Variants in ROBO3 observed in about 807,000 individuals in gnomAD.
ROBO3 encodes roundabout homolog 3.
In ROBO3, 97 loss-of-function variants were observed where a neutral mutation model predicts 160.5. The observed-to-expected ratio is 0.60, with a 90% confidence interval of 0.51 to 0.72. ROBO3 has a LOEUF of 0.72. Ranked by LOEUF, ROBO3 falls within the 30% of genes least tolerant of loss-of-function variation. The pLI, the probability that ROBO3 is intolerant of heterozygous loss-of-function variation, is 0.00. For synonymous variants in ROBO3, 780 were observed against 746.2 expected, an observed-to-expected ratio of 1.05 and a Z score of -0.74; for missense variants, 1,858 against 1,846.5, an observed-to-expected ratio of 1.01 and a Z score of -0.11.
At position 124,872,797 on chromosome 11, in the gene ROBO3, G is replaced by C; in HGVS notation, c.1331-87G>C. On this transcript the variant is annotated intron_variant, in intron 8 of 27. Coordinates refer to ENST00000397801, the MANE Select transcript of ROBO3 (RefSeq NM_022370.4). The surrounding 1 kb of genome is among the most constrained non-coding windows in gnomAD (Gnocchi z 4.3). ...GAAGTTTCAGGGGCTGGGGTAGGGA[G>C]GGTGAAGGAGCAGAGAATGAGGACA... 8.4e-7 allele frequency: 1 copy of C among 1,184,802 alleles called. No homozygotes were observed. The highest frequency in any genetic ancestry group is 1.6e-5 in the South Asian group (1 of 61,854). 73.4% of individuals were successfully genotyped at this position (1,184,802 alleles called of 1,614,324 possible).
chr11:124,878,276 G>A lies in ROBO3; in HGVS notation c.3182-22G>A. 1 of 1,611,038 alleles carries A rather than the reference G, an allele frequency of 6.2e-7. No homozygotes were observed. Among genetic ancestry groups the A allele is most frequent in the Non-Finnish European group, 8.5e-7 (1 of 1,178,620 alleles). On this transcript the variant is annotated intron_variant, in intron 21 of 27. Coordinates refer to ENST00000397801, the MANE Select transcript of ROBO3 (RefSeq NM_022370.4). The surrounding 1 kb of genome is among the most constrained non-coding windows in gnomAD (Gnocchi z 4.3). ...GCTCTTTCCTGCCTGTTCTCCGGGTGTCCCCATCCTATTCTCCTCAGGAGC... is the reference window on the plus strand; with the variant it reads ...GCTCTTTCCTGCCTGTTCTCCGGGTATCCCCATCCTATTCTCCTCAGGAGC...
chr11:124,874,453 G>C (rs957398822), intron 12 of ROBO3, among the ~76,000 whole-genome samples: 3 of 152,164 alleles, frequency 2.0e-5, no homozygotes, highest in Admixed American at 2.0e-4. Flanking sequence ...AAGAAGGAAA[G>C]GGAGAGAGGT....
Position 124,879,947 on chromosome 11 carries a change from T to A in ROBO3, c.3957T>A (p.Asp1319Glu). 6.4e-7 allele frequency: 1 copy of A among 1,572,982 alleles called. No homozygotes were observed. The highest frequency in any genetic ancestry group is 8.6e-7 in the Non-Finnish European group (1 of 1,159,428). Residue 1319 changes from aspartate (D) to glutamate (E), a missense_variant and splice_region_variant, in exon 26 of 28, where the codon GAT (aspartate) becomes GAA (glutamate). Asp to Glu is a conservative substitution (Grantham distance 45, BLOSUM62 2). Transcript: ENST00000397801. ...PLAAQRVLHP[D>E]EEAWLPYSRP... The stretch of plus-strand genomic sequence containing the variant: ...CAGCCCAGCGGGTGCTCCACCCAGA[T>A]GGTAAGCAGGGCCAGGGCAGGCAGG...
chr11:124,869,660 G>A lies in ROBO3; in HGVS notation c.645+53G>A, dbSNP rs575227480. On this transcript the variant is annotated intron_variant, in intron 3 of 27. Coordinates refer to ENST00000397801, the MANE Select transcript of ROBO3 (RefSeq NM_022370.4). This position sits in a 1 kb window ranked among gnomAD's most constrained non-coding sequence, Gnocchi z 4.2. ...CCAACAAGGGAGGGGACATAGGGTA[G>A]GGAGGTGACAAGGCTGGAGATTGAG... is the stretch of plus-strand genomic sequence containing the variant. 34 of 1,500,454 alleles carry A rather than the reference G, an allele frequency of 2.3e-5. No homozygotes were observed. The highest frequency in any genetic ancestry group is 3.0e-5 in the Non-Finnish European group (33 of 1,117,970). 92.9% of individuals were successfully genotyped at this position (1,500,454 alleles called of 1,614,324 possible).
intron 1 of ROBO3, among the ~76,000 whole-genome samples, chr11:124,868,122 A>T (rs1946226454): frequency 6.6e-6 from 1 of 152,212 alleles, no homozygotes; most frequent in Non-Finnish European, 1.5e-5. Context: ...AAGGAGCCTT[A>T]CTAACATTTC....
rs1303799513 is a variant in ROBO3, at chr11:124,881,456, G to GTCTGATCA, written c.*207_*214dup. 1 of 582,260 alleles carries GTCTGATCA rather than the reference G, an allele frequency of 1.7e-6. No individual in the cohort carries two copies. Among genetic ancestry groups the GTCTGATCA allele is most frequent in the Admixed American group, 3.0e-5 (1 of 33,826 alleles). 36.1% of individuals were successfully genotyped at this position (582,260 alleles called of 1,614,324 possible). A position where few individuals can be genotyped will look rare whatever the true frequency, so the allele number is the denominator to read the frequency against. On this transcript the variant is annotated 3_prime_UTR_variant, in exon 28 of 28. Coordinates refer to ENST00000397801, the MANE Select transcript of ROBO3 (RefSeq NM_022370.4). ...TATAAAAAACAAAACAATAAAAAGA[G>GTCTGATCA]TCTGATCAGAGCCCAGGGCCCTGTC...
rs756240580 is a variant in ROBO3, at chr11:124,870,208, G to C, written c.810G>C (p.Leu270=). ...FLRRPVNQVV[L]ADAPVTFLCE... ...GCAGACCAGTGAATCAGGTGGTCCTGGCTGATGCCCCTGTGACTTTCCTAT... is the reference window on the plus strand; with the variant it reads ...GCAGACCAGTGAATCAGGTGGTCCTCGCTGATGCCCCTGTGACTTTCCTAT... The change falls in exon 5 of 28, where the codon CTG becomes CTC. Residue 270 remains leucine (L), a synonymous_variant. Coordinates refer to ENST00000397801, the MANE Select transcript of ROBO3 (RefSeq NM_022370.4). 3.1e-6 allele frequency: 5 copies of C among 1,614,048 alleles called. No individual in the cohort carries two copies. Among genetic ancestry groups the C allele is most frequent in the Non-Finnish European group, 4.2e-6 (5 of 1,179,892 alleles).
At chr11:124,871,184 G>A (rs1331741995) in intron 7 of ROBO3, 46 bp downstream of exon 7, 1 of 1,572,062 alleles carries the variant, frequency 6.4e-7, no homozygotes. Flanking sequence ...TTCCTCTGCG[G>A]CTCAGCCTCC....
Position 124,877,251 on chromosome 11 carries a change from C to T in ROBO3, c.2804-16C>T, listed in dbSNP as rs772333421. On this transcript the variant is annotated splice_polypyrimidine_tract_variant and intron_variant, in intron 18 of 27. Transcript: ENST00000397801. ...CGGGCCCTTCTCTCACTCATTCGCC[C>T]CCTCATTTTCCCCAGTGTCCTTCCC... is the stretch of plus-strand genomic sequence containing the variant. 3.1e-6 allele frequency: 5 copies of T among 1,613,952 alleles called. No homozygotes were observed. The South Asian group carries it at 5.5e-5, about 18-fold the overall frequency.
chr11:124,874,286 G>A (rs1423486542), intron 12 of ROBO3, 50 bp downstream of exon 12: 2 of 1,536,086 alleles, frequency 1.3e-6, no homozygotes, highest in Admixed American at 3.6e-5. Flanking sequence ...ACATCATAAA[G>A]CAACCCTCTC....
rs1180677671 is a variant in ROBO3, at chr11:124,875,587, G to A, written c.2323G>A (p.Val775Met). 4 of 1,612,004 alleles carry A rather than the reference G, an allele frequency of 2.5e-6. No individual in the cohort carries two copies. In the South Asian group the frequency reaches 3.3e-5, roughly 13 times the overall value. ...AGCCCCCAGTGGCCCCCCACAGGGA[G>A]TGGCGGTGGCCTTGGGGGGTGATGG... ...EEAPSGPPQG[V>M]AVALGGDGNS... Residue 775 changes from valine to methionine, a missense_variant, in exon 15 of 28, where the codon GTG becomes ATG. Transcript: ENST00000397801.
rs777958154 is a variant in ROBO3 at position 124,879,781 on chromosome 11, C to T, written c.3797-6C>T. The T allele has an allele frequency of 6.2e-7, 1 of 1,613,524 alleles. No homozygotes were observed. Among genetic ancestry groups the T allele is most frequent in the Non-Finnish European group, 8.5e-7 (1 of 1,179,732 alleles). On this transcript the variant is annotated splice_region_variant and splice_polypyrimidine_tract_variant and intron_variant, in intron 25 of 27. Transcript: ENST00000397801. ...GAGGCTCCGCTGAAAACAGCTCCCTCCCCAGACTTGCCCCCACCACCCTTG... is the reference window on the plus strand; with the variant it reads ...GAGGCTCCGCTGAAAACAGCTCCCTTCCCAGACTTGCCCCCACCACCCTTG...
chr11:124,879,124 C>A, intron 23 of ROBO3, 66 bp from the exon 24 acceptor site: 1 of 1,502,948 alleles, frequency 6.7e-7, no homozygotes, highest in African/African-American at 1.4e-5. Flanking sequence ...TAGCACAGTG[C>A]CAGGCACATA....
chr11:124,865,821 C>T lies in ROBO3; in HGVS notation c.160+84C>T. 7.0e-7 allele frequency: 1 copy of T among 1,427,488 alleles called. No homozygotes were observed. The highest frequency in any genetic ancestry group is 1.4e-5 in the South Asian group (1 of 73,494). The allele number at this position is 1,427,488 out of a possible 1,614,324, so 88.4% of individuals were successfully genotyped here. ...GCGTGGAAGGGAAGGAGAAGCGCTC[C>T]TGTCCCGAGGTCCGGGATTGAGTGG... On this transcript the variant is annotated intron_variant, in intron 1 of 27. Transcript: ENST00000397801. This position sits in a 1 kb window ranked among gnomAD's most constrained non-coding sequence, Gnocchi z 5.5.
At chr11:124,866,312 G>T (rs1946195510) in intron 1 of ROBO3, among the ~76,000 whole-genome samples, 1 of 152,188 alleles carries the variant, frequency 6.6e-6, no homozygotes, top group African/African-American at 2.4e-5. Context: ...CGGCAGAGCT[G>T]TGGCGGGCGG....
In ROBO3 at chr11:124,877,143, C is replaced by A; in HGVS notation, c.2780-18C>A. 1.2e-6 allele frequency: 2 copies of A among 1,613,748 alleles called. No homozygotes were observed. Among genetic ancestry groups the A allele is most frequent in the Non-Finnish European group, 1.7e-6 (2 of 1,179,714 alleles). ...CTCATTTCACCTCTTCTTTCTCCCACGGGTTCCTTTCTGGAAGCCTCTTTT... is the reference window on the plus strand; with the variant it reads ...CTCATTTCACCTCTTCTTTCTCCCAAGGGTTCCTTTCTGGAAGCCTCTTTT... On this transcript the variant is annotated intron_variant, in intron 17 of 27. Transcript: ENST00000397801.
Position 124,872,835 on chromosome 11 carries a change from C to T in ROBO3, c.1331-49C>T, listed in dbSNP as rs4606490. 0.55 allele frequency: 798,209 copies of T among 1,441,680 alleles called. 228,409 individuals carry two copies. The highest frequency in any genetic ancestry group is 0.72 in the African/African-American group (50,570 of 70,324). The allele number at this position is 1,441,680 out of a possible 1,614,324, so 89.3% of individuals were successfully genotyped here. On this transcript the variant is annotated intron_variant, in intron 8 of 27. Coordinates refer to ENST00000397801, the MANE Select transcript of ROBO3 (RefSeq NM_022370.4). This position sits in a 1 kb window ranked among gnomAD's most constrained non-coding sequence, Gnocchi z 4.3. ...GAGAATGAGGACAAGGGGCTGCCCGCGGGGCCCTAAGCTCCTCCCCTGAGG... is the reference window on the plus strand; with the variant it reads ...GAGAATGAGGACAAGGGGCTGCCCGTGGGGCCCTAAGCTCCTCCCCTGAGG...
chr11:124,880,085 C>G lies in ROBO3; in HGVS notation c.3958+137C>G, dbSNP rs563653083. On this transcript the variant is annotated intron_variant, in intron 26 of 27. Transcript: ENST00000397801. Reference sequence around the variant, plus strand: ...TTTGATCCACATCAAACTCCCCTGTCTCTCTAACTCTCTGAGCACAATCCC... The same window carrying G: ...TTTGATCCACATCAAACTCCCCTGTGTCTCTAACTCTCTGAGCACAATCCC... The G allele has an allele frequency of 9.9e-6, 9 of 907,786 alleles. No homozygotes were observed. The South Asian group carries it at 1.4e-4, about 14-fold the overall frequency. The allele number at this position is 907,786 out of a possible 1,614,324, so 56.2% of individuals were successfully genotyped here. A position where few individuals can be genotyped will look rare whatever the true frequency, so the allele number is the denominator to read the frequency against.
chr11:124,874,809 T>C lies in ROBO3; in HGVS notation c.1973T>C (p.Val658Ala), dbSNP rs1329521744. ...RTQDSSPSRP[V>A]EDPWRGQQGL... The stretch of plus-strand genomic sequence containing the variant: ...ACAGATAGCAGCCCCTCTAGGCCAG[T>C]GGAGGACCCATGGAGAGGCCAGCAG... The change falls in exon 13 of 28, where the codon GTG becomes GCG. Residue 658 changes from valine (V) to alanine (A), a missense_variant. Coordinates refer to ENST00000397801, the MANE Select transcript of ROBO3 (RefSeq NM_022370.4). The C allele has an allele frequency of 2.5e-6, 4 of 1,605,984 alleles. No individual in the cohort carries two copies. The highest frequency in any genetic ancestry group is 1.7e-5 in the Admixed American group (1 of 58,962).
Sources: gnomAD v4.1 joint callset for allele counts (sites outside exome capture counted in the v4.1 genomes callset) on GRCh38, gnomAD v4.1.1 for gene constraint, Gnocchi (gnomAD v3.1) non-coding constraint, MANE v1.5 for transcripts, NCBI Gene and HGNC (gene_info 2026-07-23, HGNC 2026-07-21) for gene names.